Variants in MINDY2 observed in about 807,000 individuals in gnomAD.
MINDY2 encodes the protein ubiquitin carboxyl-terminal hydrolase MINDY-2.
A neutral mutation model predicts 68.2 loss-of-function variants in MINDY2; 52 were observed. The ratio of observed to expected loss-of-function variants is 0.76; its 90% CI spans 0.61 to 0.96. The LOEUF is 0.96. Ranked by LOEUF, MINDY2 falls within the 40% of genes least tolerant of loss-of-function variation. The probability of loss-of-function intolerance (pLI) is 0.00; values close to 1 mark genes in which losing one functional copy is unlikely to be tolerated. For missense variants in MINDY2, 881 were observed against 773.4 expected, an observed-to-expected ratio of 1.14 and a Z score of -1.65; for synonymous variants, 372 against 303.0, an observed-to-expected ratio of 1.23 and a Z score of -2.36.
rs1900401858 is a variant in MINDY2 at position 58,771,629 on chromosome 15, C to G, written c.234C>G (p.Pro78=). The change falls in exon 1 of 9, where the codon CCC becomes CCG. Residue 78 remains proline, a synonymous_variant. Transcript: ENST00000559228. ...SPAGSPEVPG[P]CSSSAGLDLK... is the part of the protein sequence containing the mutation. ...CGGGCTCTCCTGAGGTTCCCGGACC[C>G]TGCAGCTCCTCCGCGGGTTTGGACT... The G allele has an allele frequency of 1.2e-6, 2 of 1,612,298 alleles. No homozygotes were observed. The highest frequency in any genetic ancestry group is 2.7e-5 in the African/African-American group (2 of 74,928).
chr15:58,852,075 C>A (rs1465716045), intron 8 of MINDY2, 110 bp downstream of exon 8: 6 of 797,668 alleles, frequency 7.5e-6, no homozygotes, highest in East Asian at 2.9e-5. Context: ...TTGCTTGAGC[C>A]CAGGAGTTCG....
At chr15:58,831,033 G>GTATATATATATATATA (rs1294321709) in intron 5 of MINDY2, among the ~76,000 whole-genome samples, 1 of 105,552 alleles carries the variant, frequency 9.5e-6, no homozygotes, top group African/African-American at 5.4e-5. Flanking sequence ...GTGTGTGTGT[G>GTATATATATATATATA]TGTGTGTGTA....
rs538350341 is a variant in MINDY2, at chr15:58,854,937, A to G, written c.*327A>G. 97 of 175,030 alleles carry G rather than the reference A, an allele frequency of 5.5e-4. 1 individual carries two copies. Among genetic ancestry groups the G allele is most frequent in the South Asian group, 1.9e-3 (13 of 6,774 alleles). 10.8% of individuals were successfully genotyped at this position (175,030 alleles called of 1,614,324 possible). A position where few individuals can be genotyped will look rare whatever the true frequency, so the allele number is the denominator to read the frequency against. On this transcript the variant is annotated 3_prime_UTR_variant, in exon 9 of 9. Coordinates refer to ENST00000559228, the MANE Select transcript of MINDY2 (RefSeq NM_001040450.3). ...AACTCATATCAGTTAGTAAGCTATTATATCTTCTGTTCTAACAATGAATGG... is the reference window on the plus strand; with the variant it reads ...AACTCATATCAGTTAGTAAGCTATTGTATCTTCTGTTCTAACAATGAATGG...
At chr15:58,804,582 C>T (rs529248069) in intron 3 of MINDY2, among the ~76,000 whole-genome samples, 4 of 151,956 alleles carry the variant, frequency 2.6e-5, no homozygotes, top group Non-Finnish European at 5.9e-5. Context: ...CCAAAGCAGG[C>T]GGATTGCTTG....
chr15:58,802,960 G>A (rs1285135808), intron 3 of MINDY2, among the ~76,000 whole-genome samples: 2 of 152,198 alleles, frequency 1.3e-5, no homozygotes, highest in Non-Finnish European at 2.9e-5. Context: ...CTTGGTAATA[G>A]AAGGCAAGAA....
intron 7 of MINDY2, among the ~76,000 whole-genome samples, chr15:58,849,498 C>T (rs2032709960): frequency 6.6e-6 from 1 of 151,990 alleles, no homozygotes; most frequent in Admixed American, 6.6e-5. Flanking sequence ...GAGCAAGACT[C>T]CGTCTCAAAA....
At chr15:58,816,232 G>A (rs1473700803) in intron 4 of MINDY2, among the ~76,000 whole-genome samples, 2 of 152,172 alleles carry the variant, frequency 1.3e-5, no homozygotes, top group Admixed American at 1.3e-4. Context: ...ATGGAAGGAT[G>A]GCTTACTATA....
chr15:58,831,698 C>A, intron 5 of MINDY2, 76 bp from the exon 6 acceptor site: 1 of 1,350,780 alleles, frequency 7.4e-7, no homozygotes, highest in Non-Finnish European at 1.0e-6. Context: ...ACTTGGAACA[C>A]ACTTTAAATA....
At chr15:58,839,513 G>T (rs915946914) in intron 6 of MINDY2, among the ~76,000 whole-genome samples, 1 of 151,982 alleles carries the variant, frequency 6.6e-6, no homozygotes, top group Non-Finnish European at 1.5e-5. Context: ...TGTATTTTTC[G>T]TAGGAATGTG....
chr15:58,806,779 C>A (rs1903039989), intron 3 of MINDY2, among the ~76,000 whole-genome samples: 1 of 152,032 alleles, frequency 6.6e-6, no homozygotes, highest in Admixed American at 6.6e-5. Context: ...TTTTCAGATT[C>A]ATCATTGCTG....
At chr15:58,800,647 T>A (rs572524629) in intron 2 of MINDY2, among the ~76,000 whole-genome samples, 114 of 152,158 alleles carry the variant, frequency 7.5e-4, no homozygotes, top group Non-Finnish European at 5.0e-4. Context: ...TGCTCATTTT[T>A]CTGCATCCAG....
At chr15:58,848,856 G>A (rs957014149) in intron 7 of MINDY2, among the ~76,000 whole-genome samples, 3 of 152,152 alleles carry the variant, frequency 2.0e-5, no homozygotes, top group Admixed American at 2.0e-4. Flanking sequence ...CTATACAGGG[G>A]TGTTGTTTTT....
rs2054097 is a variant in MINDY2 at position 58,839,132 on chromosome 15, G to T, written c.1368+7216G>T. On this transcript the variant is annotated intron_variant, in intron 6 of 8. Coordinates refer to ENST00000559228, the MANE Select transcript of MINDY2 (RefSeq NM_001040450.3). ...TTATTTAATTTTTTTTTGAGTGTGC[G>T]TTAAAATCTTTTGTCATCCAGAGTC... 2.6e-5 allele frequency among the ~76,000 whole-genome samples: 4 copies of T among 151,678 alleles called. No homozygotes were observed. The East Asian group carries it at 5.8e-4, about 22-fold the overall frequency.
In MINDY2 at chr15:58,792,189, C is replaced by T. The variant is rs531656445; in HGVS notation, c.898+4226C>T. Among the ~76,000 whole-genome samples, 3 of 152,308 alleles carry T rather than the reference C, an allele frequency of 2.0e-5. No homozygotes were observed. In the South Asian group the frequency reaches 6.2e-4, roughly 32 times the overall value. The stretch of plus-strand genomic sequence containing the variant: ...TAGCCAGTAGAAATGTAAAATAATA[C>T]AGCCACTTTGGAAAGCAGTTTGGCA... On this transcript the variant is annotated intron_variant, in intron 2 of 8. Coordinates refer to ENST00000559228, the MANE Select transcript of MINDY2 (RefSeq NM_001040450.3).
chr15:58,842,754 A>G (rs1186769726), intron 6 of MINDY2, among the ~76,000 whole-genome samples: 3 of 152,220 alleles, frequency 2.0e-5, no homozygotes, highest in Non-Finnish European at 4.4e-5. Flanking sequence ...AGCATTTTAT[A>G]TGGATTATCT....
At chr15:58,780,674 G>C (rs1388833469) in intron 1 of MINDY2, among the ~76,000 whole-genome samples, 1 of 152,126 alleles carries the variant, frequency 6.6e-6, no homozygotes, top group Admixed American at 6.5e-5. Flanking sequence ...ACAGACTCCG[G>C]TTTTTAGCTC....
chr15:58,820,284 A>G (rs1434330105), intron 4 of MINDY2, among the ~76,000 whole-genome samples: 1 of 151,674 alleles, frequency 6.6e-6, no homozygotes. Flanking sequence ...AAACAAACAA[A>G]CAAACAAAAA....
intron 2 of MINDY2, among the ~76,000 whole-genome samples, chr15:58,793,521 A>G (rs1332453001): frequency 1.3e-5 from 2 of 152,216 alleles, no homozygotes; most frequent in African/African-American, 4.8e-5. Flanking sequence ...TAATCCTGTG[A>G]ATATACAACA....
intron 6 of MINDY2, among the ~76,000 whole-genome samples, chr15:58,842,831 C>G (rs534291926): frequency 6.6e-6 from 1 of 152,148 alleles, no homozygotes; most frequent in Non-Finnish European, 1.5e-5. Flanking sequence ...GCTGAGGGAA[C>G]ATGTAAAGAC....
Sources: allele counts gnomAD v4.1 joint callset (sites outside exome capture counted in the v4.1 genomes callset), GRCh38; gene constraint gnomAD v4.1.1; transcripts MANE v1.5; gene names NCBI Gene and HGNC (gene_info 2026-07-23, HGNC 2026-07-21).